LEF1: variants seen among roughly 807,000 people sequenced by gnomAD.
The protein encoded by LEF1 is lymphoid enhancer-binding factor 1.
A neutral mutation model predicts 51.2 loss-of-function variants in LEF1; 14 were observed. The ratio of observed to expected loss-of-function variants is 0.27; its 90% CI spans 0.18 to 0.43. The LOEUF (loss-of-function observed/expected upper bound fraction) is 0.43. LEF1 is among the 20% of genes least tolerant of loss of function. The pLI is 1.00. For missense variants in LEF1, 386 were observed against 512.0 expected, an observed-to-expected ratio of 0.75 and a Z score of 2.37; for synonymous variants, 185 against 183.2, an observed-to-expected ratio of 1.01 and a Z score of -0.08.
Position 108,140,965 on chromosome 4 carries a change from C to CT in LEF1, c.414+22602dup, listed in dbSNP as rs1259240228. Reference sequence around the variant, plus strand: ...TCAATCAAGGTGAAAAAACATAATGCTTTTTTGAGACAAGTTTACAGACTC... The same window carrying CT: ...TCAATCAAGGTGAAAAAACATAATGCTTTTTTTGAGACAAGTTTACAGACTC... On this transcript the variant is annotated intron_variant, in intron 3 of 11. Transcript: ENST00000265165. Among the ~76,000 whole-genome samples, 12 of 152,234 alleles carry CT rather than the reference C, an allele frequency of 7.9e-5. No homozygotes were observed. In the South Asian group the frequency reaches 2.5e-3, roughly 32 times the overall value.
intron 3 of LEF1, among the ~76,000 whole-genome samples, chr4:108,104,929 C>G (rs1741058685): frequency 6.6e-6 from 1 of 152,090 alleles, no homozygotes; most frequent in Admixed American, 6.5e-5. Context: ...TCCTGGGAGT[C>G]CGCACTGTCT....
rs1745510102 is a variant in LEF1 at position 108,167,781 on chromosome 4, T to C, written c.-14A>G. 1.2e-6 allele frequency: 2 copies of C among 1,608,856 alleles called. No homozygotes were observed. The highest frequency in any genetic ancestry group is 1.7e-6 in the Non-Finnish European group (2 of 1,178,856). On this transcript the variant is annotated 5_prime_UTR_variant, in exon 1 of 12. Transcript: ENST00000265165. This position sits in a 1 kb window ranked among gnomAD's most constrained non-coding sequence, Gnocchi z 5.7. ...GAGTTGGGGCATCCCGGCGGCTCTG[T>C]AATCTCCGCTCCGCTGTGGGAGCAC...
At chr4:108,115,005 G>T (rs116600462) in intron 3 of LEF1, among the ~76,000 whole-genome samples, 3,986 of 152,292 alleles carry the variant, frequency 0.026, 156 homozygotes, top group African/African-American at 0.091. Flanking sequence ...CATCCGAATT[G>T]TGCTCCCACT....
At chr4:108,122,523 G>C (rs551454173) in intron 3 of LEF1, among the ~76,000 whole-genome samples, 12 of 152,234 alleles carry the variant, frequency 7.9e-5, no homozygotes, top group African/African-American at 2.4e-4. Context: ...TGTCACCCAG[G>C]CTGGAGTGCA....
At position 108,145,310 on chromosome 4, in the gene LEF1, C is replaced by G. The variant is rs572857953; in HGVS notation, c.414+18258G>C. On this transcript the variant is annotated intron_variant, in intron 3 of 11. Coordinates refer to ENST00000265165, the MANE Select transcript of LEF1 (RefSeq NM_016269.5). ...CAACAGTTCTACCTCTAATATCAAC[C>G]CTTTAAGAGCTTGCATTAAAGCTAA... is the stretch of plus-strand genomic sequence containing the variant. Among the ~76,000 whole-genome samples the G allele has an allele frequency of 4.6e-5, 7 of 152,240 alleles. No individual in the cohort carries two copies. In the South Asian group the frequency reaches 1.5e-3, roughly 32 times the overall value.
chr4:108,111,351 C>G (rs569709056), intron 3 of LEF1, among the ~76,000 whole-genome samples: 1 of 152,256 alleles, frequency 6.6e-6, no homozygotes, highest in East Asian at 1.9e-4. Flanking sequence ...GAAAGCACCA[C>G]CTGCTGAGTG....
chr4:108,102,148 A>G (rs1578345126), intron 3 of LEF1, among the ~76,000 whole-genome samples: 1 of 152,234 alleles, frequency 6.6e-6, no homozygotes, highest in East Asian at 1.9e-4. Context: ...CACATTGCTG[A>G]TGGTAGGCAC....
At chr4:108,070,843 T>A in intron 8 of LEF1, 73 bp from the exon 9 acceptor site, 2 of 1,028,184 alleles carry the variant, frequency 1.9e-6, no homozygotes, top group Admixed American at 2.2e-5. Context: ...GTTTCAAAAA[T>A]CAAAAAATGA....
chr4:108,069,884 G>C (rs905045494), intron 9 of LEF1, among the ~76,000 whole-genome samples: 1 of 151,464 alleles, frequency 6.6e-6, no homozygotes, highest in African/African-American at 2.4e-5. Context: ...CTTGAACCCA[G>C]GAGGCAGAGG....
intron 3 of LEF1, among the ~76,000 whole-genome samples, chr4:108,138,415 G>A (rs1189212926): frequency 1.3e-5 from 2 of 152,004 alleles, no homozygotes; most frequent in Admixed American, 1.3e-4. Context: ...AATGCTTTAG[G>A]AACTTGCATG....
In LEF1 at chr4:108,048,722, T is replaced by G; in HGVS notation, c.*36A>C. 6.2e-7 allele frequency: 1 copy of G among 1,609,566 alleles called. No individual in the cohort carries two copies. The highest frequency in any genetic ancestry group is 8.5e-7 in the Non-Finnish European group (1 of 1,177,662). On this transcript the variant is annotated 3_prime_UTR_variant, in exon 12 of 12. Coordinates refer to ENST00000265165, the MANE Select transcript of LEF1 (RefSeq NM_016269.5). Reference sequence around the variant, plus strand: ...GGTCCTGGGGTCGCTGCCTTGGCTTTGCACGTTGGGAATGAGCTTCGTTTT... The same window carrying G: ...GGTCCTGGGGTCGCTGCCTTGGCTTGGCACGTTGGGAATGAGCTTCGTTTT...
chr4:108,112,676 G>A (rs563227086), intron 3 of LEF1, among the ~76,000 whole-genome samples: 4 of 152,278 alleles, frequency 2.6e-5, no homozygotes, highest in South Asian at 2.1e-4. Flanking sequence ...TTTCTGGCTC[G>A]TAATGATATA....
At chr4:108,146,984 C>T (rs1578396416) in intron 3 of LEF1, among the ~76,000 whole-genome samples, 1 of 152,192 alleles carries the variant, frequency 6.6e-6, no homozygotes, top group South Asian at 2.1e-4. Flanking sequence ...GATAAGAAAA[C>T]TGAGGCTCAG....
At chr4:108,106,886 C>T (rs1178287791) in intron 3 of LEF1, among the ~76,000 whole-genome samples, 1 of 152,136 alleles carries the variant, frequency 6.6e-6, no homozygotes, top group African/African-American at 2.4e-5. Context: ...TCTGTGAGTG[C>T]ACAGAGAGAG....
intron 3 of LEF1, among the ~76,000 whole-genome samples, chr4:108,101,544 A>T (rs1379502530): frequency 6.6e-6 from 1 of 152,236 alleles, no homozygotes; most frequent in East Asian, 1.9e-4. Flanking sequence ...TTCTCAAGAC[A>T]GTCTACTCTT....
At chr4:108,166,256 C>CAA (rs887787834) in intron 1 of LEF1, 3 of 1,535,760 alleles carry the variant, frequency 2.0e-6, no homozygotes, top group Non-Finnish European at 2.6e-6. Context: ...CCCAGCCTTT[C>CAA]AAAATTCGTA....
At chr4:108,091,890 T>C (rs1213570766) in intron 3 of LEF1, among the ~76,000 whole-genome samples, 1 of 152,204 alleles carries the variant, frequency 6.6e-6, no homozygotes, top group Non-Finnish European at 1.5e-5. Context: ...TTTAGAATAA[T>C]GGCTTTCAGT....
chr4:108,078,244 A>G lies in LEF1; in HGVS notation c.984T>C (p.Ala328=). 6.2e-7 allele frequency: 1 copy of G among 1,614,166 alleles called. No individual in the cohort carries two copies. Among genetic ancestry groups the G allele is most frequent in the Non-Finnish European group, 8.5e-7 (1 of 1,180,020 alleles). ...CCCTTCTGCCAAGAATCTGGTTGAT[A>G]GCTGCACTTTCTTTTAGAGTACACT... ...VAECTLKESA[A]INQILGRRWH... Residue 328 remains alanine, a synonymous_variant, in exon 8 of 12, where the codon GCT becomes GCC. Coordinates refer to ENST00000265165, the MANE Select transcript of LEF1 (RefSeq NM_016269.5).
chr4:108,066,903 AC>A (rs2126270294), intron 9 of LEF1, among the ~76,000 whole-genome samples: 1 of 152,362 alleles, frequency 6.6e-6, no homozygotes, highest in East Asian at 1.9e-4. Flanking sequence ...AGTTAAAAAA[AC>A]AAGTTCAAAT....
Sources: allele counts gnomAD v4.1 joint callset (sites outside exome capture counted in the v4.1 genomes callset), GRCh38; gene constraint gnomAD v4.1.1; non-coding constraint Gnocchi (gnomAD v3.1); transcripts MANE v1.5; gene names NCBI Gene and HGNC (gene_info 2026-07-23, HGNC 2026-07-21).